HDAC4: variants seen among roughly 807,000 people sequenced by gnomAD.
The protein encoded by HDAC4 is histone deacetylase 4.
Under a neutral mutation model 135.1 loss-of-function variants are expected in HDAC4, and 16 were observed. The ratio of observed to expected loss-of-function variants is 0.12; its 90% CI spans 0.08 to 0.18. The LOEUF is 0.18. HDAC4 is among the 10% of genes least tolerant of loss of function. HDAC4 has a pLI of 1.00. For synonymous variants in HDAC4, 685 were observed against 653.4 expected (o/e 1.05, Z -0.74); for missense variants, 1,143 against 1,511.8 (o/e 0.76, Z 4.05).
At chr2:239,293,284 G>A (rs2051641840) in intron 2 of HDAC4, among the ~76,000 whole-genome samples, 2 of 152,240 alleles carry the variant, frequency 1.3e-5, no homozygotes. Context: ...GAGCTTGAAT[G>A]TAGCAGTTGC....
rs1028366972 is a variant in HDAC4 at position 239,349,201 on chromosome 2, G to A, written c.22+3477C>T. ...CAAGAGTGAGCCGGGTGGGCAGGGC[G>A]AAGGACAGGGCCAGCTAGCAGAGGA... On this transcript the variant is annotated intron_variant, in intron 2 of 26. Coordinates refer to ENST00000543185, the MANE Select transcript of HDAC4 (RefSeq NM_001378414.1). This position sits in a 1 kb window ranked among gnomAD's most constrained non-coding sequence, Gnocchi z 5.7. 1.3e-5 allele frequency among the ~76,000 whole-genome samples: 2 copies of A among 152,156 alleles called. No homozygotes were observed. Among genetic ancestry groups the A allele is most frequent in the Non-Finnish European group, 1.5e-5 (1 of 68,024 alleles).
chr2:239,267,973 C>T (rs1320590141), intron 2 of HDAC4, among the ~76,000 whole-genome samples: 2 of 152,260 alleles, frequency 1.3e-5, no homozygotes, highest in Non-Finnish European at 2.9e-5. Flanking sequence ...GCACTTAAAA[C>T]ACACACACCA....
intron 2 of HDAC4, among the ~76,000 whole-genome samples, chr2:239,274,280 T>G (rs921624234): frequency 3.3e-5 from 5 of 152,180 alleles, no homozygotes; most frequent in Non-Finnish European, 5.9e-5. Flanking sequence ...CCCTCCCAGC[T>G]CATTCAGAGA....
At chr2:239,195,431 G>A (rs573146684) in intron 3 of HDAC4, among the ~76,000 whole-genome samples, 63 of 152,344 alleles carry the variant, frequency 4.1e-4, no homozygotes, top group African/African-American at 1.5e-3. Flanking sequence ...TCCTAATGAG[G>A]ATCCTGGGAG....
intron 3 of HDAC4, among the ~76,000 whole-genome samples, chr2:239,221,042 G>A (rs935483347): frequency 1.3e-5 from 2 of 152,148 alleles, no homozygotes; most frequent in African/African-American, 2.4e-5. Context: ...CTCATTCTGC[G>A]GGCGGTGGCG....
chr2:239,272,664 C>T (rs1416723288), intron 2 of HDAC4, among the ~76,000 whole-genome samples: 3 of 152,226 alleles, frequency 2.0e-5, no homozygotes, highest in Non-Finnish European at 4.4e-5. Context: ...TACAAGACCA[C>T]CCTGACTGTC....
At chr2:239,381,729 G>A (rs574895653) in intron 1 of HDAC4, among the ~76,000 whole-genome samples, 1 of 152,318 alleles carries the variant, frequency 6.6e-6, no homozygotes, top group East Asian at 1.9e-4. Context: ...ATTGTCCCAT[G>A]TGCTGTAGAA....
At chr2:239,371,284 C>CAT (rs1171984678) in intron 1 of HDAC4, among the ~76,000 whole-genome samples, 4 of 152,228 alleles carry the variant, frequency 2.6e-5, no homozygotes, top group African/African-American at 9.6e-5. Flanking sequence ...CACATACACA[C>CAT]ATCCTTATAC....
intron 17 of HDAC4, chr2:239,091,896 T>TAAAAATAC (rs1409534850): frequency 2.0e-5 from 2 of 100,744 alleles, no homozygotes; most frequent in Non-Finnish European, 3.9e-5. Flanking sequence ...CCGTCTCTAC[T>TAAAAATAC]AAAAATACAA....
chr2:239,062,107 C>T (rs995519790), intron 24 of HDAC4, among the ~76,000 whole-genome samples: 21 of 152,274 alleles, frequency 1.4e-4, no homozygotes, highest in African/African-American at 4.6e-4. Flanking sequence ...ATGCAACACT[C>T]GTAGGGAACT....
At chr2:239,080,787 A>G in intron 22 of HDAC4, 1 of 402,934 alleles carries the variant, frequency 2.5e-6, no homozygotes, top group Non-Finnish European at 4.5e-6. Context: ...TTCGTTTCTC[A>G]TGAACATAAC....
chr2:239,220,011 T>C (rs1030770025), intron 3 of HDAC4, among the ~76,000 whole-genome samples: 1 of 152,220 alleles, frequency 6.6e-6, no homozygotes, highest in Non-Finnish European at 1.5e-5. Flanking sequence ...AGCCAACAGA[T>C]AGGCCTCGAA....
In HDAC4 at chr2:239,309,454, C is replaced by T. The variant is rs1483744830; in HGVS notation, c.22+43224G>A. Among the ~76,000 whole-genome samples the T allele has an allele frequency of 6.6e-6, 1 of 152,238 alleles. No homozygotes were observed. Among genetic ancestry groups the T allele is most frequent in the African/African-American group, 2.4e-5 (1 of 41,474 alleles). On this transcript the variant is annotated intron_variant, in intron 2 of 26. Coordinates refer to ENST00000543185, the MANE Select transcript of HDAC4 (RefSeq NM_001378414.1). The surrounding 1 kb of genome is among the most constrained non-coding windows in gnomAD (Gnocchi z 4.2). ...GCCCAAGGAAGCAAGAAGCGGGACC[C>T]CGCCTTCTCAGCCACCTCTCACTAA...
At chr2:239,359,285 C>T (rs1322781532) in intron 1 of HDAC4, among the ~76,000 whole-genome samples, 1 of 152,174 alleles carries the variant, frequency 6.6e-6, no homozygotes, top group African/African-American at 2.4e-5. Flanking sequence ...CTGAAACGTC[C>T]GAAAGTTAAC....
chr2:239,088,374 C>T (rs11690847), intron 18 of HDAC4, among the ~76,000 whole-genome samples: 33 of 152,332 alleles, frequency 2.2e-4, no homozygotes, highest in Non-Finnish European at 3.4e-4. Flanking sequence ...GCCGCAGGGA[C>T]CAGGCTCAGG....
At chr2:239,086,385 A>C (rs1157308387) in intron 19 of HDAC4, among the ~76,000 whole-genome samples, 1 of 149,114 alleles carries the variant, frequency 6.7e-6, no homozygotes, top group African/African-American at 2.5e-5. Context: ...CTGCTCTAAC[A>C]CGCGGATCTG....
At chr2:239,371,188 C>T (rs1356826784) in intron 1 of HDAC4, among the ~76,000 whole-genome samples, 2 of 152,196 alleles carry the variant, frequency 1.3e-5, no homozygotes, top group African/African-American at 2.4e-5. Flanking sequence ...ACCACGGCCC[C>T]GTCCACTCAG....
chr2:239,058,203 T>C (rs968562600), intron 24 of HDAC4, among the ~76,000 whole-genome samples: 9 of 152,172 alleles, frequency 5.9e-5, no homozygotes, highest in African/African-American at 1.9e-4. Context: ...CATGCTCCAA[T>C]TGTTAAAGAT....
intron 1 of HDAC4, among the ~76,000 whole-genome samples, chr2:239,353,695 C>T (rs1039180465): frequency 6.6e-6 from 1 of 152,174 alleles, no homozygotes; most frequent in Non-Finnish European, 1.5e-5. Flanking sequence ...CCAGAAGTTT[C>T]TCCAACATTA....
Sources: gnomAD v4.1 joint callset for allele counts (sites outside exome capture counted in the v4.1 genomes callset) on GRCh38, gnomAD v4.1.1 for gene constraint, Gnocchi (gnomAD v3.1) non-coding constraint, MANE v1.5 for transcripts, NCBI Gene and HGNC (gene_info 2026-07-23, HGNC 2026-07-21) for gene names.